The following CLIC4 variants were observed in gnomAD, a reference collection of about 807,000 sequenced individuals.
CLIC4 encodes CLIC family member 4.
Under a neutral mutation model 24.6 loss-of-function variants are expected in CLIC4, and 13 were observed. That is an observed-to-expected ratio of 0.53 (90% CI 0.34 to 0.84). The LOEUF (loss-of-function observed/expected upper bound fraction) is 0.84, where lower values mean the gene tolerates loss of function less well. Ranked by LOEUF, CLIC4 falls within the 40% of genes least tolerant of loss-of-function variation. The pLI, the probability that CLIC4 is intolerant of heterozygous loss-of-function variation, is 0.01. For missense variants in CLIC4, 227 were observed against 301.7 expected (o/e 0.75, Z 1.83); for synonymous variants, 104 against 111.3 (o/e 0.93, Z 0.41).
At chr1:24,814,412 G>A (rs985036895) in intron 3 of CLIC4, among the ~76,000 whole-genome samples, 193 bp downstream of exon 3, 2 of 152,172 alleles carry the variant, frequency 1.3e-5, no homozygotes, top group African/African-American at 4.8e-5. Flanking sequence ...AGAAAGGTGG[G>A]GATTTGTCTA....
intron 2 of CLIC4, among the ~76,000 whole-genome samples, chr1:24,799,479 G>T (rs1172451055): frequency 2.7e-5 from 4 of 150,528 alleles, no homozygotes; most frequent in Admixed American, 6.6e-5. Flanking sequence ...GAAGTGAGGA[G>T]CCTCTCCACC....
At chr1:24,805,935 A>T (rs1156480765) in intron 2 of CLIC4, among the ~76,000 whole-genome samples, 1 of 152,192 alleles carries the variant, frequency 6.6e-6, no homozygotes, top group Non-Finnish European at 1.5e-5. Context: ...AAAATGGGAA[A>T]CAACAGAATA....
chr1:24,765,815 C>CTTTTTTTTTTTTTTTTTTTTT (rs34506030), intron 1 of CLIC4, among the ~76,000 whole-genome samples: 3 of 135,384 alleles, frequency 2.2e-5, no homozygotes, highest in Admixed American at 7.7e-5. Context: ...TTCTTTCTTT[C>CTTTTTTTTTTTTTTTTTTTTT]TTTTTTTTTT....
intron 3 of CLIC4, among the ~76,000 whole-genome samples, chr1:24,819,302 C>A (rs965926153): frequency 6.6e-6 from 1 of 152,058 alleles, no homozygotes; most frequent in Non-Finnish European, 1.5e-5. Flanking sequence ...AAAACCATGT[C>A]TTGATTTTTC....
intron 3 of CLIC4, among the ~76,000 whole-genome samples, chr1:24,819,932 A>G (rs1639709060): frequency 6.9e-6 from 1 of 144,604 alleles, no homozygotes; most frequent in South Asian, 2.2e-4. Context: ...TAGTAGAGAC[A>G]GGGTTTTACC....
chr1:24,814,675 C>T (rs896581532), intron 3 of CLIC4, among the ~76,000 whole-genome samples: 18 of 152,154 alleles, frequency 1.2e-4, no homozygotes, highest in Non-Finnish European at 1.5e-4. Flanking sequence ...TTGACTTTTC[C>T]GACTGTGTCC....
rs1035896346 is a variant in CLIC4 at position 24,839,578 on chromosome 1, C to T, written c.416-282C>T. ...CCTCCCAAAGTGCTGGGATTACAGGCGTGAGCCACCGCGCCCGGCCATTTG... is the reference window on the plus strand; with the variant it reads ...CCTCCCAAAGTGCTGGGATTACAGGTGTGAGCCACCGCGCCCGGCCATTTG... On this transcript the variant is annotated intron_variant, in intron 4 of 5. Coordinates refer to ENST00000374379, the MANE Select transcript of CLIC4 (RefSeq NM_013943.3). Among the ~76,000 whole-genome samples the T allele has an allele frequency of 2.0e-5, 3 of 152,194 alleles. No homozygotes were observed. In the East Asian group the frequency reaches 5.8e-4, roughly 29 times the overall value.
chr1:24,817,879 G>T (rs1639687133), intron 3 of CLIC4, among the ~76,000 whole-genome samples: 1 of 152,170 alleles, frequency 6.6e-6, no homozygotes, highest in South Asian at 2.1e-4. Context: ...GTCTCAGGGA[G>T]CAGGAAGGCC....
chr1:24,835,351 C>T (rs896703875), intron 4 of CLIC4, among the ~76,000 whole-genome samples: 21 of 152,162 alleles, frequency 1.4e-4, no homozygotes, highest in Non-Finnish European at 3.1e-4. Flanking sequence ...TCGCTTGAAG[C>T]CAGGAGTTCG....
Position 24,815,676 on chromosome 1 carries a change from C to G in CLIC4, c.308+1457C>G, listed in dbSNP as rs1639661010. ...TGAAGTAAGATAACAATGAATTTTT[C>G]TACATTGATGGACTCTTCCTTTCAT... On this transcript the variant is annotated intron_variant, in intron 3 of 5. Coordinates refer to ENST00000374379, the MANE Select transcript of CLIC4 (RefSeq NM_013943.3). Among the ~76,000 whole-genome samples, 3 of 152,108 alleles carry G rather than the reference C, an allele frequency of 2.0e-5. No individual in the cohort carries two copies. In the South Asian group the frequency reaches 6.2e-4, roughly 31 times the overall value.
intron 1 of CLIC4, among the ~76,000 whole-genome samples, chr1:24,748,396 A>T (rs58771766): frequency 0.038 from 5,308 of 140,328 alleles, 98 homozygotes; most frequent in East Asian, 0.053. Flanking sequence ...GTTTGTTTTC[A>T]CTCTTTAAGC....
rs1639922834 is a variant in CLIC4, at chr1:24,839,778, G to T, written c.416-82G>T. 4.1e-6 allele frequency: 5 copies of T among 1,205,704 alleles called. No homozygotes were observed. The South Asian group carries it at 7.5e-5, about 18-fold the overall frequency. The allele number at this position is 1,205,704 out of a possible 1,614,324, so 74.7% of individuals were successfully genotyped here. A position where few individuals can be genotyped will look rare whatever the true frequency, so the allele number is the denominator to read the frequency against. ...GAGTAAACATTTTTAAACAGTTATTGACTCAAAGAGTCTGCTTCTCCTTGG... is the reference window on the plus strand; with the variant it reads ...GAGTAAACATTTTTAAACAGTTATTTACTCAAAGAGTCTGCTTCTCCTTGG... On this transcript the variant is annotated intron_variant, in intron 4 of 5. Transcript: ENST00000374379.
At chr1:24,809,923 T>C (rs1356512256) in intron 2 of CLIC4, among the ~76,000 whole-genome samples, 2 of 152,226 alleles carry the variant, frequency 1.3e-5, no homozygotes, top group Non-Finnish European at 2.9e-5. Flanking sequence ...TTTCTTGAAG[T>C]ACACATTTTT....
At chr1:24,828,457 TCTTTTCTGTTCTGCG>T (rs1639808960) in intron 4 of CLIC4, among the ~76,000 whole-genome samples, 1 of 152,206 alleles carries the variant, frequency 6.6e-6, no homozygotes, top group Admixed American at 6.5e-5. Flanking sequence ...ACAGACAGTG[TCTTTTCTGTTCTGCG>T]CTTCATGCGA....
rs869153638 is a variant in CLIC4, at chr1:24,748,499, GTTTTTTTTTTTT to G, written c.72+2886_72+2897del. ...TGCACTGATACAGATCAGGTTTTTT[GTTTTTTTTTTTT>G]TTTTTTTTTTTAATGAGATGGTGTC... On this transcript the variant is annotated intron_variant, in intron 1 of 5. Transcript: ENST00000374379. Among the ~76,000 whole-genome samples the G allele has an allele frequency of 1.5e-4, 12 of 80,608 alleles. 1 individual carries two copies. The highest frequency in any genetic ancestry group is 1.5e-4 in the African/African-American group (3 of 20,584). The allele number at this position is 80,608 out of a possible 152,430, so 52.9% of individuals were successfully genotyped here. A position where few individuals can be genotyped will look rare whatever the true frequency, so the allele number is the denominator to read the frequency against.
At chr1:24,810,613 T>A (rs748344483) in intron 2 of CLIC4, among the ~76,000 whole-genome samples, 3 of 152,118 alleles carry the variant, frequency 2.0e-5, no homozygotes, top group Non-Finnish European at 2.9e-5. Context: ...CTACAAAAAA[T>A]TTTTTAAAAA....
chr1:24,785,882 GAAA>G (rs1639261923), intron 1 of CLIC4, among the ~76,000 whole-genome samples: 2 of 131,254 alleles, frequency 1.5e-5, no homozygotes, highest in Admixed American at 7.6e-5. Flanking sequence ...AAAAAGAAAA[GAAA>G]AAAAGAAAAA....
chr1:24,755,436 CAAAAAAA>C (rs796480286), intron 1 of CLIC4, among the ~76,000 whole-genome samples: 3 of 85,784 alleles, frequency 3.5e-5, no homozygotes, highest in Non-Finnish European at 7.7e-5. Flanking sequence ...GACTCTGTCT[CAAAAAAA>C]AAAAAAAAAA....
intron 2 of CLIC4, among the ~76,000 whole-genome samples, chr1:24,800,765 C>A (rs1639478715): frequency 6.6e-6 from 1 of 152,132 alleles, no homozygotes; most frequent in African/African-American, 2.4e-5. Flanking sequence ...TGTGACCTTA[C>A]CCCCAACCCT....
Sources: gnomAD v4.1 joint callset for allele counts (sites outside exome capture counted in the v4.1 genomes callset) on GRCh38, gnomAD v4.1.1 for gene constraint, MANE v1.5 for transcripts, NCBI Gene and HGNC (gene_info 2026-07-23, HGNC 2026-07-21) for gene names.